KMT2E: variants seen among roughly 807,000 people sequenced by gnomAD.
KMT2E encodes the protein lysine methyltransferase 2E (inactive).
A neutral mutation model predicts 184.6 loss-of-function variants in KMT2E; 30 were observed. The ratio of observed to expected loss-of-function variants is 0.16; its 90% confidence interval spans 0.12 to 0.22. The LOEUF is 0.22. Among genes scored for constraint, KMT2E ranks in the 10% least tolerant of loss-of-function variants. The probability of loss-of-function intolerance (pLI) is 1.00; values close to 1 mark genes in which losing one functional copy is unlikely to be tolerated. For synonymous variants in KMT2E, 815 were observed against 776.5 expected (o/e 1.05, Z -0.82); for missense variants, 2,023 against 2,237.4 (o/e 0.90, Z 1.93).
intron 13 of KMT2E, among the ~76,000 whole-genome samples, chr7:105,087,877 G>A (rs1224981699): frequency 2.7e-5 from 4 of 146,226 alleles, no homozygotes; most frequent in African/African-American, 1.0e-4. Context: ...AGTCTTTTGG[G>A]TTATAAGCAA....
chr7:105,096,441 A>T (rs767331612), intron 15 of KMT2E, among the ~76,000 whole-genome samples: 1 of 152,076 alleles, frequency 6.6e-6, no homozygotes, highest in Non-Finnish European at 1.5e-5. Flanking sequence ...ACAGAAGATG[A>T]TTCAGTGTGG....
chr7:105,039,995 G>GT (rs142474177), intron 2 of KMT2E, among the ~76,000 whole-genome samples: 10,606 of 151,648 alleles, frequency 0.07, 481 homozygotes, highest in Middle Eastern at 0.12. Context: ...TTGTAAATTT[G>GT]TTTAAAAAAA....
intron 5 of KMT2E, among the ~76,000 whole-genome samples, chr7:105,066,283 A>G (rs537046624): frequency 2.6e-5 from 4 of 152,242 alleles, no homozygotes; most frequent in South Asian, 2.1e-4. Context: ...TTCTCTTCAT[A>G]TATGTTGAGC....
intron 13 of KMT2E, among the ~76,000 whole-genome samples, chr7:105,084,860 T>C: frequency 6.6e-6 from 1 of 152,138 alleles, no homozygotes; most frequent in African/African-American, 2.4e-5. Context: ...TAGTTTTAAA[T>C]AGTTATGATT....
chr7:105,106,811 G>A, intron 20 of KMT2E, 39 bp downstream of exon 20: 2 of 1,591,212 alleles, frequency 1.3e-6, no homozygotes, highest in East Asian at 4.5e-5. Flanking sequence ...TTCAACACTT[G>A]GGGGGATGGA....
chr7:105,081,497 A>G (rs573049510), intron 12 of KMT2E, among the ~76,000 whole-genome samples, 191 bp from the exon 13 acceptor site: 15 of 151,864 alleles, frequency 9.9e-5, no homozygotes, highest in African/African-American at 3.6e-4. Context: ...GGCAGTGGAT[A>G]GCAGTATATG....
At chr7:105,098,033 C>T (rs907958354) in intron 15 of KMT2E, among the ~76,000 whole-genome samples, 2 of 152,104 alleles carry the variant, frequency 1.3e-5, no homozygotes, top group African/African-American at 4.8e-5. Flanking sequence ...AATGGAGACA[C>T]CACACAAGCC....
rs1257518370 is a variant in KMT2E at position 105,102,163 on chromosome 7, A to G, written c.2165A>G (p.Lys722Arg). Residue 722 changes from lysine to arginine, a missense_variant, in exon 17 of 27, where the codon AAA becomes AGA. Coordinates refer to ENST00000311117, the MANE Select transcript of KMT2E (RefSeq NM_182931.3). ...ITETEVPALNKCPTKYPKTKK... is the reference protein window; with the variant it reads ...ITETEVPALNRCPTKYPKTKK... The stretch of plus-strand genomic sequence containing the variant: ...GAAACTGAAGTTCCAGCACTTAATA[A>G]ATGTCCTACCAAGTACCCCAAAACA... The G allele has an allele frequency of 6.2e-7, 1 of 1,611,252 alleles. No homozygotes were observed. The highest frequency in any genetic ancestry group is 2.2e-5 in the East Asian group (1 of 44,768).
intron 22 of KMT2E, 143 bp from the exon 23 acceptor site, chr7:105,108,799 T>A (rs1799028045): frequency 1.4e-6 from 1 of 690,180 alleles, no homozygotes; most frequent in African/African-American, 1.8e-5. Context: ...CATTTGGTAA[T>A]TGTTAATTAT....
intron 6 of KMT2E, among the ~76,000 whole-genome samples, chr7:105,068,940 T>A (rs1797167717): frequency 6.6e-6 from 1 of 152,212 alleles, no homozygotes. Context: ...GTCAGTCTCT[T>A]GCAGTTATTA....
chr7:105,093,567 G>A (rs1332512976), intron 15 of KMT2E, among the ~76,000 whole-genome samples: 4 of 152,086 alleles, frequency 2.6e-5, no homozygotes, highest in South Asian at 4.2e-4. Context: ...GACTGTAATC[G>A]CAGCCACTTG....
chr7:105,017,632 G>A (rs984889970), intron 1 of KMT2E, among the ~76,000 whole-genome samples: 1 of 152,044 alleles, frequency 6.6e-6, no homozygotes, highest in Non-Finnish European at 1.5e-5. Context: ...TTTGTTCCCA[G>A]AGAGTTTTGA....
At position 105,112,017 on chromosome 7, in the gene KMT2E, G is replaced by T. The variant is rs766600155; in HGVS notation, c.4261G>T (p.Val1421Phe). The T allele has an allele frequency of 5.6e-6, 9 of 1,614,142 alleles. No individual in the cohort carries two copies. In the South Asian group the frequency reaches 9.9e-5, roughly 18 times the overall value. Residue 1421 changes from valine (V) to phenylalanine (F), a missense_variant, in exon 27 of 27, where the codon GTT (valine) becomes TTT (phenylalanine). By Grantham distance (50) the Val-to-Phe change is conservative. Coordinates refer to ENST00000311117, the MANE Select transcript of KMT2E (RefSeq NM_182931.3). ...LSKNHPPQTH[V>F]RNSSEQLSQK... ...AAAGAATCATCCTCCTCAGACACAC[G>T]TTCGTAATTCATCTGAGCAACTTTC...
intron 1 of KMT2E, among the ~76,000 whole-genome samples, chr7:105,036,372 T>C (rs1441574933): frequency 6.6e-6 from 1 of 152,068 alleles, no homozygotes; most frequent in East Asian, 1.9e-4. Flanking sequence ...TTACACCATG[T>C]TGGCCAGGCT....
At chr7:105,029,154 G>C (rs1000690263) in intron 1 of KMT2E, among the ~76,000 whole-genome samples, 1 of 152,096 alleles carries the variant, frequency 6.6e-6, no homozygotes, top group South Asian at 2.1e-4. Context: ...ATCTAGCTAC[G>C]TGGGAGGCTG....
At chr7:105,085,063 G>T (rs1350286147) in intron 13 of KMT2E, among the ~76,000 whole-genome samples, 1 of 150,858 alleles carries the variant, frequency 6.6e-6, no homozygotes, top group Non-Finnish European at 1.5e-5. Flanking sequence ...AATATTTCTA[G>T]GCTATATAGT....
chr7:105,073,686 A>G lies in KMT2E; in HGVS notation c.556+9A>G. 6.4e-7 allele frequency: 1 copy of G among 1,557,748 alleles called. No homozygotes were observed. On this transcript the variant is annotated intron_variant, in intron 7 of 26. Coordinates refer to ENST00000311117, the MANE Select transcript of KMT2E (RefSeq NM_182931.3). ...AAGGGAAAATATGTCAGGTAGGTAA[A>G]AAGGACCTACACTAAATTAAAATTC...
chr7:105,044,504 T>C (rs1796017544), intron 3 of KMT2E, among the ~76,000 whole-genome samples: 1 of 152,182 alleles, frequency 6.6e-6, no homozygotes, highest in South Asian at 2.1e-4. Context: ...CAAGGATATA[T>C]AGTGACTTTA....
intron 13 of KMT2E, chr7:105,089,153 A>G: frequency 3.0e-6 from 1 of 331,032 alleles, no homozygotes; most frequent in Non-Finnish European, 5.9e-6. Flanking sequence ...AATATATTAC[A>G]TGTTGAGCAT....
Sources: gnomAD v4.1 joint callset for allele counts (sites outside exome capture counted in the v4.1 genomes callset) on GRCh38, gnomAD v4.1.1 for gene constraint, MANE v1.5 for transcripts, NCBI Gene and HGNC (gene_info 2026-07-23, HGNC 2026-07-21) for gene names.